GOLGA3: variants seen among roughly 807,000 people sequenced by gnomAD.
GOLGA3 encodes golgin A3.
In GOLGA3, 75 loss-of-function variants were observed where a neutral mutation model predicts 169.4. That is an observed-to-expected ratio of 0.44 (90% CI 0.37 to 0.54). The LOEUF (loss-of-function observed/expected upper bound fraction) is 0.54, where lower values mean the gene tolerates loss of function less well. GOLGA3 is among the 20% of genes least tolerant of loss of function. The pLI is 0.00. For synonymous variants in GOLGA3, 824 were observed against 822.4 expected (o/e 1.00, Z -0.03); for missense variants, 1,899 against 1,930.0 (o/e 0.98, Z 0.30).
intron 23 of GOLGA3, 93 bp downstream of exon 23, chr12:132,774,063 TG>T: frequency 8.4e-7 from 1 of 1,190,922 alleles, no homozygotes; most frequent in Non-Finnish European, 1.2e-6. Context: ...GAAACTCTGC[TG>T]GGCACTCAGT....
intron 1 of GOLGA3, chr12:132,826,214 T>C (rs1248481058): frequency 1.5e-6 from 2 of 1,363,814 alleles, no homozygotes; most frequent in East Asian, 2.5e-5. Context: ...CTCCCCACAA[T>C]GAAATAAAGT....
rs146630002 is a variant in GOLGA3, at chr12:132,816,700, G to T, written c.246C>A (p.Leu82=). 1 of 1,614,144 alleles carries T rather than the reference G, an allele frequency of 6.2e-7. No individual in the cohort carries two copies. The highest frequency in any genetic ancestry group is 2.2e-5 in the East Asian group (1 of 44,884). ...GGCCCACTGGGCTTGTGGTGGGATC[G>T]AGAGACGACGGAGGGTCTGGGAAGG... The part of the protein sequence containing the change: ...TPPFPDPPSS[L]DPTTSPVGPD... The change falls in exon 3 of 24, where the codon CTC becomes CTA. Residue 82 remains leucine, a synonymous_variant. Coordinates refer to ENST00000450791, the MANE Select transcript of GOLGA3 (RefSeq NM_001389683.1).
chr12:132,799,732 G>C (rs978763823), intron 8 of GOLGA3, among the ~76,000 whole-genome samples: 2 of 151,512 alleles, frequency 1.3e-5, no homozygotes, highest in African/African-American at 4.8e-5. Flanking sequence ...ATACTTCCTT[G>C]TTGTTGGTTT....
At chr12:132,811,799 A>G in intron 4 of GOLGA3, 2 of 932,786 alleles carry the variant, frequency 2.1e-6, no homozygotes, top group Non-Finnish European at 2.6e-6. Context: ...TAAAGGTATA[A>G]GAAGAACACG....
chr12:132,789,143 C>T lies in GOLGA3; in HGVS notation c.2695G>A (p.Ala899Thr). Residue 899 changes from alanine to threonine, a missense_variant, in exon 13 of 24, where the codon GCG becomes ACG. Coordinates refer to ENST00000450791, the MANE Select transcript of GOLGA3 (RefSeq NM_001389683.1). The stretch of plus-strand genomic sequence containing the variant: ...TCTCTGTGCAGGCGCGAGAGCTCCG[C>T]CTCGGCAGTCCGCTTCTCCCCGTGC... ...QVHGEKRTAE[A>T]ELSRLHREVA... The T allele has an allele frequency of 1.9e-6, 3 of 1,612,954 alleles. No homozygotes were observed. Among genetic ancestry groups the T allele is most frequent in the Non-Finnish European group, 2.5e-6 (3 of 1,180,036 alleles).
chr12:132,818,409 A>G (rs1188091494), intron 2 of GOLGA3, among the ~76,000 whole-genome samples: 2 of 152,234 alleles, frequency 1.3e-5, no homozygotes, highest in African/African-American at 2.4e-5. Flanking sequence ...ACAGGTGCCC[A>G]CCACCACACC....
chr12:132,803,936 C>T (rs897287803), intron 7 of GOLGA3, among the ~76,000 whole-genome samples: 5 of 152,222 alleles, frequency 3.3e-5, no homozygotes, highest in African/African-American at 9.6e-5. Flanking sequence ...CACCCTGCTT[C>T]GCCCTCTCCT....
Position 132,791,294 on chromosome 12 carries a change from C to T in GOLGA3, c.2470-1G>A. 2 of 1,583,958 alleles carry T rather than the reference C, an allele frequency of 1.3e-6. No individual in the cohort carries two copies. The highest frequency in any genetic ancestry group is 1.7e-6 in the Non-Finnish European group (2 of 1,155,344). ...CAGTCTCCTGCTGCAGGTGTTCCAC[C>T]TGTGGGAGACATGTGCACAGACATT... On this transcript the variant is annotated splice_acceptor_variant, in intron 11 of 23. Transcript: ENST00000450791. LOFTEE classifies it high-confidence loss of function.
intron 21 of GOLGA3, 55 bp from the exon 22 acceptor site, chr12:132,775,360 A>G (rs1477107930): frequency 2.0e-6 from 3 of 1,481,234 alleles, no homozygotes; most frequent in East Asian, 2.3e-5. Flanking sequence ...ACATCCTGCC[A>G]AGATCCGAGT....
intron 3 of GOLGA3, among the ~76,000 whole-genome samples, chr12:132,814,975 G>T (rs1283500776): frequency 6.6e-6 from 1 of 152,206 alleles, no homozygotes; most frequent in East Asian, 1.9e-4. Flanking sequence ...CGGCCTGGGT[G>T]CCGACCAGAG....
At chr12:132,811,741 T>C in intron 4 of GOLGA3, 1 of 232,220 alleles carries the variant, frequency 4.3e-6, no homozygotes, top group Non-Finnish European at 6.9e-6. Context: ...GGATTATAGG[T>C]GTGAGCCACT....
intron 17 of GOLGA3, among the ~76,000 whole-genome samples, chr12:132,781,466 G>A (rs2045603209): frequency 6.6e-6 from 1 of 152,150 alleles, no homozygotes; most frequent in Admixed American, 6.5e-5. Flanking sequence ...GGCTGAGGCA[G>A]GAGAATCGCT....
chr12:132,779,513 C>T (rs1345562883), intron 18 of GOLGA3, among the ~76,000 whole-genome samples: 7 of 152,216 alleles, frequency 4.6e-5, no homozygotes, highest in Non-Finnish European at 2.9e-5. Flanking sequence ...GTGGCAAAGC[C>T]AGGTCATAGG....
intron 10 of GOLGA3, 95 bp from the exon 11 acceptor site, chr12:132,796,315 A>T (rs867442868): frequency 1.4e-6 from 2 of 1,409,508 alleles, no homozygotes; most frequent in South Asian, 1.4e-5. Context: ...TTTGATGGAC[A>T]CTATGGAGGG....
At position 132,772,099 on chromosome 12, in the gene GOLGA3, T is replaced by G. The variant is rs2044921493; in HGVS notation, c.*1006A>C. 6.6e-6 allele frequency: 1 copy of G among 152,264 alleles called. No individual in the cohort carries two copies. Among genetic ancestry groups the G allele is most frequent in the Non-Finnish European group, 1.5e-5 (1 of 68,046 alleles). 9.4% of individuals were successfully genotyped at this position (152,264 alleles called of 1,614,324 possible). ...AGAGGACCTTTCTGTGTAAGAATAT[T>G]TGGCTTTAGAAGGTAAATAAAATAA... On this transcript the variant is annotated 3_prime_UTR_variant, in exon 24 of 24. Coordinates refer to ENST00000450791, the MANE Select transcript of GOLGA3 (RefSeq NM_001389683.1).
chr12:132,775,871 T>C (rs2045198697), intron 21 of GOLGA3, among the ~76,000 whole-genome samples: 1 of 152,272 alleles, frequency 6.6e-6, no homozygotes, highest in Admixed American at 6.5e-5. Flanking sequence ...GAGAAGTTTA[T>C]CGCAAATTGG....
intron 8 of GOLGA3, among the ~76,000 whole-genome samples, chr12:132,801,389 G>T (rs1949119993): frequency 6.6e-6 from 1 of 152,182 alleles, no homozygotes; most frequent in Non-Finnish European, 1.5e-5. Context: ...AGGTGGGAGG[G>T]TCCTGAGACC....
At position 132,777,700 on chromosome 12, in the gene GOLGA3, C is replaced by T. The variant is rs1252704641; in HGVS notation, c.3688G>A (p.Val1230Met). Residue 1230 changes from valine (V) to methionine (M), a missense_variant, in exon 19 of 24, where the codon GTG becomes ATG. Transcript: ENST00000450791. The surrounding 1 kb of genome is among the most constrained non-coding windows in gnomAD (Gnocchi z 4.7). ...KKELQAKEHL[V>M]QKLQAEADDL... ...TCGGCCTCGGCCTGCAGCTTCTGCACCAGGTGTTCCTTGGCCTGCAGCTCC... is the reference window on the plus strand; with the variant it reads ...TCGGCCTCGGCCTGCAGCTTCTGCATCAGGTGTTCCTTGGCCTGCAGCTCC... 2.5e-6 allele frequency: 4 copies of T among 1,613,982 alleles called. No homozygotes were observed. The highest frequency in any genetic ancestry group is 3.4e-6 in the Non-Finnish European group (4 of 1,180,016).
At chr12:132,820,043 G>A (rs1348200865) in intron 2 of GOLGA3, among the ~76,000 whole-genome samples, 2 of 152,182 alleles carry the variant, frequency 1.3e-5, no homozygotes, top group Admixed American at 6.5e-5. Flanking sequence ...TGGGCGTGGT[G>A]GCACATGCCT....
Sources: gnomAD v4.1 joint callset for allele counts (sites outside exome capture counted in the v4.1 genomes callset) on GRCh38, gnomAD v4.1.1 for gene constraint, Gnocchi (gnomAD v3.1) non-coding constraint, MANE v1.5 for transcripts, NCBI Gene and HGNC (gene_info 2026-07-23, HGNC 2026-07-21) for gene names.